SPC25: variants seen among roughly 807,000 people sequenced by gnomAD.
SPC25 encodes the protein kinetochore protein Spc25.
A neutral mutation model predicts 29.6 loss-of-function variants in SPC25; 22 were observed. The ratio of observed to expected loss-of-function variants is 0.74; its 90% CI spans 0.53 to 1.06. The LOEUF is 1.06. Among genes scored for constraint, SPC25 ranks in the 50% least tolerant of loss-of-function variants. The pLI, the probability that SPC25 is intolerant of heterozygous loss-of-function variation, is 0.00. For missense variants in SPC25, 230 were observed against 255.8 expected (o/e 0.90, Z 0.69); for synonymous variants, 91 against 90.4 (o/e 1.01, Z -0.04).
chr2:168,889,011 GTA>G (rs1160380457), intron 3 of SPC25, among the ~76,000 whole-genome samples: 3 of 98,802 alleles, frequency 3.0e-5, no homozygotes, highest in Admixed American at 2.1e-4. Context: ...ACACATATAT[GTA>G]TATATATACA....
At position 168,890,309 on chromosome 2, in the gene SPC25, C is replaced by T. The variant is rs944956888; in HGVS notation, c.-15+9G>A. On this transcript the variant is annotated intron_variant, in intron 1 of 6. Transcript: ENST00000282074. ...CCAAGGAGCCCAGCTCGGCGCCCAA[C>T]TCCCTTACCTTCGCAGGCAGGCCTG... 2.6e-5 allele frequency: 26 copies of T among 984,966 alleles called. No homozygotes were observed. Among genetic ancestry groups the T allele is most frequent in the Non-Finnish European group, 3.1e-5 (26 of 829,598 alleles). The allele number at this position is 984,966 out of a possible 1,614,324, so 61.0% of individuals were successfully genotyped here.
downstream of SPC25, among the ~76,000 whole-genome samples, chr2:168,867,590 T>C (rs1375971756): frequency 6.6e-6 from 1 of 152,236 alleles, no homozygotes; most frequent in Non-Finnish European, 1.5e-5. Flanking sequence ...GCAATCCTAG[T>C]CTCGAATAAA....
chr2:168,869,876 C>G (rs889988880), downstream of SPC25, among the ~76,000 whole-genome samples: 8 of 151,700 alleles, frequency 5.3e-5, no homozygotes, highest in African/African-American at 1.9e-4. Context: ...CATATGGAAC[C>G]AAAAAAGAGC....
intron 3 of SPC25, among the ~76,000 whole-genome samples, chr2:168,883,757 T>C (rs1462747586): frequency 6.6e-6 from 1 of 151,542 alleles, no homozygotes; most frequent in Non-Finnish European, 1.5e-5. Context: ...TCCTCGATGC[T>C]GTATGACCAT....
chr2:168,867,958 A>G (rs1484663696), downstream of SPC25, among the ~76,000 whole-genome samples: 1 of 152,270 alleles, frequency 6.6e-6, no homozygotes, highest in African/African-American at 2.4e-5. Flanking sequence ...TTGGAAGTAA[A>G]GCACTCCTCA....
At chr2:168,865,362 G>C (rs1559149495) in intron 4 of SPC25, 1 of 170,128 alleles carries the variant, frequency 5.9e-6, no homozygotes, top group Non-Finnish European at 1.3e-5. Context: ...GGTGGCAACA[G>C]AACACAGCAG....
chr2:168,872,818 T>C (rs1690018291), intron 6 of SPC25, among the ~76,000 whole-genome samples: 1 of 152,030 alleles, frequency 6.6e-6, no homozygotes, highest in Non-Finnish European at 1.5e-5. Flanking sequence ...ATTCTCAAAA[T>C]ATAAATTCCC....
chr2:168,870,001 A>T (rs1689948761), downstream of SPC25, among the ~76,000 whole-genome samples: 1 of 152,086 alleles, frequency 6.6e-6, no homozygotes, highest in African/African-American at 2.4e-5. Context: ...ACTGGTACCA[A>T]AACAGAGATA....
intron 1 of SPC25, 41 bp from the exon 2 acceptor site, chr2:168,889,574 A>G: frequency 1.3e-6 from 2 of 1,567,410 alleles, no homozygotes; most frequent in Admixed American, 3.6e-5. Context: ...AGTTACTGAA[A>G]TCAAATCACC....
rs373205544 is a variant in SPC25 at position 168,877,425 on chromosome 2, C to T, written c.200-41G>A. ...GGTATTAGCTAGAATATGCTTGGCT[C>T]TCTGACATGTATCTAAGAAAAGGCC... On this transcript the variant is annotated intron_variant, in intron 3 of 6. Coordinates refer to ENST00000282074, the MANE Select transcript of SPC25 (RefSeq NM_020675.4). 14 of 1,609,232 alleles carry T rather than the reference C, an allele frequency of 8.7e-6. No individual in the cohort carries two copies. The Admixed American group carries it at 1.4e-4, about 16-fold the overall frequency.
intron 4 of SPC25, among the ~76,000 whole-genome samples, chr2:168,865,860 C>T (rs1321806020): frequency 6.6e-6 from 1 of 152,240 alleles, no homozygotes; most frequent in African/African-American, 2.4e-5. Flanking sequence ...CATGAGTGAA[C>T]TCCCATTCAC....
At chr2:168,862,697 G>C (rs1026769123) in intron 4 of SPC25, among the ~76,000 whole-genome samples, 1 of 152,144 alleles carries the variant, frequency 6.6e-6, no homozygotes, top group Admixed American at 6.5e-5. Flanking sequence ...AAGGTATTAC[G>C]TAGTGGCTTT....
At chr2:168,889,327 T>C (rs1690350328) in intron 2 of SPC25, 36 bp from the exon 3 acceptor site, 1 of 1,613,288 alleles carries the variant, frequency 6.2e-7, no homozygotes, top group Non-Finnish European at 8.5e-7. Flanking sequence ...TCAGCTGCAA[T>C]AACACTAAAA....
chr2:168,877,119 G>T, intron 4 of SPC25, 119 bp downstream of exon 4: 1 of 1,045,328 alleles, frequency 9.6e-7, no homozygotes, highest in Non-Finnish European at 1.4e-6. Context: ...GGCTGGTTAT[G>T]CCCTGGGGTA....
chr2:168,890,425 G>A lies in SPC25; in HGVS notation c.-122C>T. 2 of 985,492 alleles carry A rather than the reference G, an allele frequency of 2.0e-6. No individual in the cohort carries two copies. The highest frequency in any genetic ancestry group is 2.4e-6 in the Non-Finnish European group (2 of 830,000). The allele number at this position is 985,492 out of a possible 1,614,324, so 61.0% of individuals were successfully genotyped here. A position where few individuals can be genotyped will look rare whatever the true frequency, so the allele number is the denominator to read the frequency against. ...GCTCCCGCAGCCCCGCCAACTTTCC[G>A]ATTTCAAACCTAGTGCACTTCCCGC... is the stretch of plus-strand genomic sequence containing the variant. On this transcript the variant is annotated 5_prime_UTR_variant, in exon 1 of 7. Coordinates refer to ENST00000282074, the MANE Select transcript of SPC25 (RefSeq NM_020675.4).
At chr2:168,881,032 C>G (rs1690170661) in intron 3 of SPC25, among the ~76,000 whole-genome samples, 1 of 152,154 alleles carries the variant, frequency 6.6e-6, no homozygotes, top group Admixed American at 6.5e-5. Context: ...AAAAATGGTG[C>G]CCACAGACTT....
At chr2:168,866,967 G>T (rs1332963450), downstream of SPC25, among the ~76,000 whole-genome samples, 1 of 152,168 alleles carries the variant, frequency 6.6e-6, no homozygotes, top group Admixed American at 6.5e-5. Flanking sequence ...AAAAAGTCAG[G>T]AAACAACCCA....
At position 168,878,218 on chromosome 2, in the gene SPC25, TA is replaced by T. The variant is rs554370291; in HGVS notation, c.200-835del. Among the ~76,000 whole-genome samples, 28 of 152,324 alleles carry T rather than the reference TA, an allele frequency of 1.8e-4. No homozygotes were observed. In the South Asian group the frequency reaches 5.4e-3, roughly 29 times the overall value. Reference sequence around the variant, plus strand: ...CACAACTATATAAACTAATCTCACTTAAAAACATAGGTGCAAAGATGCTCAA... The same window carrying T: ...CACAACTATATAAACTAATCTCACTTAAAACATAGGTGCAAAGATGCTCAA... On this transcript the variant is annotated intron_variant, in intron 3 of 6. Transcript: ENST00000282074.
chr2:168,864,779 G>T (rs1689749419), intron 4 of SPC25: 1 of 1,599,398 alleles, frequency 6.3e-7, no homozygotes, highest in South Asian at 1.1e-5. Flanking sequence ...TATCAATCGG[G>T]CTGAGGCATG....
Sources: gnomAD v4.1 joint callset for allele counts (sites outside exome capture counted in the v4.1 genomes callset) on GRCh38, gnomAD v4.1.1 for gene constraint, MANE v1.5 for transcripts, NCBI Gene and HGNC (gene_info 2026-07-23, HGNC 2026-07-21) for gene names.